SLC9C2: variants seen among roughly 807,000 people sequenced by gnomAD.
SLC9C2 encodes the protein sodium/hydrogen exchanger 11.
SLC9C2 carries 75 observed loss-of-function variants against 140.2 expected under a neutral mutation model. The observed-to-expected ratio is 0.53, with a 90% CI of 0.44 to 0.65. The LOEUF is 0.65. SLC9C2 is among the 30% of genes least tolerant of loss of function. The pLI is 0.00. For synonymous variants in SLC9C2, 375 were observed against 420.9 expected (o/e 0.89, Z 1.34); for missense variants, 1,074 against 1,331.8 (o/e 0.81, Z 3.01).
chr1:173,504,482 C>A (rs12078577), intron 26 of SLC9C2, among the ~76,000 whole-genome samples: 9,034 of 152,108 alleles, frequency 0.059, 885 homozygotes, highest in African/African-American at 0.2. Context: ...ATCCTCCCCC[C>A]AAAGCAACAA....
Position 173,526,645 on chromosome 1 carries a change from G to C in SLC9C2, c.2365+18C>G. ...AATAAGGTATGACTTTAAGAACTCAGATACTTCAACTACCTACCTAATTCT... is the reference window on the plus strand; with the variant it reads ...AATAAGGTATGACTTTAAGAACTCACATACTTCAACTACCTACCTAATTCT... On this transcript the variant is annotated intron_variant, in intron 19 of 27. Transcript: ENST00000367714. 6.3e-7 allele frequency: 1 copy of C among 1,578,134 alleles called. No homozygotes were observed. The highest frequency in any genetic ancestry group is 1.2e-5 in the South Asian group (1 of 84,282).
At chr1:173,529,796 C>A in intron 18 of SLC9C2, 109 bp downstream of exon 18, 2 of 1,245,038 alleles carry the variant, frequency 1.6e-6, no homozygotes, top group Middle Eastern at 2.9e-4. Context: ...GAATCCCTTT[C>A]AACTGTTGGA....
intron 19 of SLC9C2, among the ~76,000 whole-genome samples, chr1:173,525,582 T>G (rs971955635): frequency 6.6e-6 from 1 of 152,224 alleles, no homozygotes; most frequent in East Asian, 1.9e-4. Context: ...TTACTAGCCA[T>G]AGGGCCTCAG....
At chr1:173,581,119 A>C (rs1665503635) in intron 7 of SLC9C2, among the ~76,000 whole-genome samples, 1 of 152,196 alleles carries the variant, frequency 6.6e-6, no homozygotes, top group Non-Finnish European at 1.5e-5. Flanking sequence ...ACTGGAGGTG[A>C]AAGAGAAGTA....
chr1:173,503,344 T>C lies in SLC9C2; in HGVS notation c.3311-18A>G. On this transcript the variant is annotated intron_variant, in intron 26 of 27. Transcript: ENST00000367714. ...GACTGAGGCTAACCAAATCCAAGCA[T>C]TGAACAGAAAAAGTAAATTAGGAAT... 2 of 1,608,512 alleles carry C rather than the reference T, an allele frequency of 1.2e-6. No homozygotes were observed. Among genetic ancestry groups the C allele is most frequent in the African/African-American group, 1.3e-5 (1 of 74,784 alleles).
chr1:173,549,673 G>A lies in SLC9C2; in HGVS notation c.1298-1121C>T, dbSNP rs1052176515. Among the ~76,000 whole-genome samples the A allele has an allele frequency of 9.2e-5, 14 of 152,304 alleles. No homozygotes were observed. In the East Asian group the frequency reaches 1.2e-3, roughly 13 times the overall value. On this transcript the variant is annotated intron_variant, in intron 11 of 27. Transcript: ENST00000367714. ...ACTCTGACTGATAAAACTCAAGTCCGACAAGCACCTGTTAAATGTGTACCA... is the reference window on the plus strand; with the variant it reads ...ACTCTGACTGATAAAACTCAAGTCCAACAAGCACCTGTTAAATGTGTACCA...
chr1:173,542,579 T>C (rs964881741), intron 13 of SLC9C2, among the ~76,000 whole-genome samples: 2 of 152,038 alleles, frequency 1.3e-5, no homozygotes, highest in African/African-American at 2.4e-5. Flanking sequence ...TAGACTAATA[T>C]CCCTGATGAA....
chr1:173,515,959 C>T (rs1660385707), intron 23 of SLC9C2, among the ~76,000 whole-genome samples: 1 of 152,110 alleles, frequency 6.6e-6, no homozygotes, highest in Non-Finnish European at 1.5e-5. Flanking sequence ...TTGCTTCAGG[C>T]CCTATTCATC....
chr1:173,550,501 C>A lies in SLC9C2; in HGVS notation c.1298-1949G>T, dbSNP rs544457963. Among the ~76,000 whole-genome samples the A allele has an allele frequency of 1.4e-4, 21 of 148,934 alleles. No homozygotes were observed. In the South Asian group the frequency reaches 4.5e-3, roughly 32 times the overall value. On this transcript the variant is annotated intron_variant, in intron 11 of 27. Transcript: ENST00000367714. ...GTCGCCAGGCTGGAGTGCAGTGGTG[C>A]AATCTTGCCTCACTGCAACATCCAC...
intron 4 of SLC9C2, among the ~76,000 whole-genome samples, chr1:173,595,939 C>A (rs1666427464): frequency 6.6e-6 from 1 of 152,082 alleles, no homozygotes; most frequent in African/African-American, 2.4e-5. Context: ...GTGGTCAATT[C>A]TTTTCCCCAA....
intron 24 of SLC9C2, among the ~76,000 whole-genome samples, chr1:173,507,974 G>C (rs1659776392): frequency 6.6e-6 from 1 of 151,984 alleles, no homozygotes; most frequent in African/African-American, 2.4e-5. Flanking sequence ...TCCTGCACAG[G>C]GCCCTGACAG....
At chr1:173,563,132 G>A (rs918949893) in intron 9 of SLC9C2, among the ~76,000 whole-genome samples, 4 of 151,542 alleles carry the variant, frequency 2.6e-5, no homozygotes, top group African/African-American at 9.7e-5. Flanking sequence ...GGAAGGACCT[G>A]AAGAAACAAG....
intron 9 of SLC9C2, among the ~76,000 whole-genome samples, chr1:173,570,727 T>A (rs1283914396): frequency 6.6e-6 from 1 of 152,204 alleles, no homozygotes; most frequent in Non-Finnish European, 1.5e-5. Context: ...GCTTCCCCTC[T>A]GGCTAGGGCT....
chr1:173,534,439 C>A, intron 16 of SLC9C2, 45 bp downstream of exon 16: 2 of 1,491,462 alleles, frequency 1.3e-6, no homozygotes, highest in Admixed American at 2.4e-5. Context: ...TTCAAAATAC[C>A]TGAATTGCTC....
At chr1:173,594,593 C>A (rs1666344848) in intron 4 of SLC9C2, among the ~76,000 whole-genome samples, 1 of 151,836 alleles carries the variant, frequency 6.6e-6, no homozygotes. Flanking sequence ...AGCACTGGTA[C>A]CTAAAACATT....
intron 9 of SLC9C2, among the ~76,000 whole-genome samples, chr1:173,567,589 G>A (rs1374877028): frequency 6.6e-6 from 1 of 151,876 alleles, no homozygotes; most frequent in Non-Finnish European, 1.5e-5. Flanking sequence ...CAGATCATTG[G>A]GTCTTGTTTT....
At chr1:173,538,670 GAGA>G (rs1662151264) in intron 13 of SLC9C2, among the ~76,000 whole-genome samples, 1 of 152,176 alleles carries the variant, frequency 6.6e-6, no homozygotes, top group Admixed American at 6.5e-5. Context: ...GAGTTTTAAG[GAGA>G]AGTACAATTA....
At chr1:173,532,769 G>A (rs1407683242) in intron 17 of SLC9C2, among the ~76,000 whole-genome samples, 6 of 152,076 alleles carry the variant, frequency 3.9e-5, no homozygotes, top group African/African-American at 9.7e-5. Flanking sequence ...AAAACAGGCC[G>A]AGTATGGTGG....
intron 4 of SLC9C2, among the ~76,000 whole-genome samples, chr1:173,595,699 AAAGG>A (rs1322369300): frequency 3.3e-5 from 5 of 152,212 alleles, no homozygotes; most frequent in African/African-American, 1.2e-4. Context: ...TTAATTCAGA[AAAGG>A]AAGAATGAGA....
Sources: allele counts gnomAD v4.1 joint callset (sites outside exome capture counted in the v4.1 genomes callset), GRCh38; gene constraint gnomAD v4.1.1; transcripts MANE v1.5; gene names NCBI Gene and HGNC (gene_info 2026-07-23, HGNC 2026-07-21).